The following SGCE variants were observed in gnomAD, a reference collection of about 807,000 sequenced individuals.
SGCE encodes the protein epsilon-sarcoglycan.
In SGCE, 26 loss-of-function variants were observed where a neutral mutation model predicts 57.8. The observed-to-expected ratio is 0.45, with a 90% CI of 0.33 to 0.62. The LOEUF (loss-of-function observed/expected upper bound fraction) is 0.62. Among genes scored for constraint, SGCE ranks in the 20% least tolerant of loss-of-function variants. The pLI, the probability that SGCE is intolerant of heterozygous loss-of-function variation, is 0.02. For missense variants in SGCE, 468 were observed against 548.6 expected (o/e 0.85, Z 1.47); for synonymous variants, 183 against 189.5 (o/e 0.97, Z 0.28).
chr7:94,655,023 C>A (rs1298309252), intron 1 of SGCE, among the ~76,000 whole-genome samples: 1 of 152,210 alleles, frequency 6.6e-6, no homozygotes, highest in African/African-American at 2.4e-5. Flanking sequence ...TCAGCCACTG[C>A]AATTTTCCCT....
chr7:94,616,002 A>G (rs1801877818), intron 5 of SGCE, among the ~76,000 whole-genome samples: 1 of 152,224 alleles, frequency 6.6e-6, no homozygotes, highest in African/African-American at 2.4e-5. Context: ...CAGAGGGCTC[A>G]GCCTTCCTTT....
At chr7:94,601,021 G>A (rs1799131623) in intron 6 of SGCE, among the ~76,000 whole-genome samples, 164 bp from the exon 7 acceptor site, 1 of 152,110 alleles carries the variant, frequency 6.6e-6, no homozygotes, top group Admixed American at 6.6e-5. Flanking sequence ...TGGAGGTAGG[G>A]AATGTAACAA....
chr7:94,586,805 A>G, intron 10 of SGCE: 1 of 984,682 alleles, frequency 1.0e-6, no homozygotes, highest in Non-Finnish European at 1.2e-6. Context: ...CCCAGCCTCC[A>G]TTTAGTTTTA....
chr7:94,612,380 T>C lies in SGCE; in HGVS notation c.662+6378A>G, dbSNP rs553939983. Among the ~76,000 whole-genome samples the C allele has an allele frequency of 3.9e-5, 6 of 152,328 alleles. No homozygotes were observed. In the East Asian group the frequency reaches 9.6e-4, roughly 24 times the overall value. ...TTCCAATGTACCTTGCAGAATATTTTTCAAATGCATATATTTTAATCTAAT... is the reference window on the plus strand; with the variant it reads ...TTCCAATGTACCTTGCAGAATATTTCTCAAATGCATATATTTTAATCTAAT... On this transcript the variant is annotated intron_variant, in intron 5 of 10. Coordinates refer to ENST00000648936, the MANE Select transcript of SGCE (RefSeq NM_003919.3).
chr7:94,600,794 C>T lies in SGCE; in HGVS notation c.889G>A (p.Asp297Asn), dbSNP rs1468449531. The change falls in exon 7 of 11, where the codon GAT (aspartate) becomes AAT (asparagine). Residue 297 changes from aspartate (D) to asparagine (N), a missense_variant. By Grantham distance (23) the Asp-to-Asn change is conservative. Transcript: ENST00000648936. ...EVIRGEGILP[D>N]GGEYKPPSDS... is the part of the protein sequence containing the mutation. ...GAAGGGGGTTTGTATTCTCCACCAT[C>T]AGGTAAAATCCCCTCTCCACGAATC... The T allele has an allele frequency of 6.2e-7, 1 of 1,613,388 alleles. No individual in the cohort carries two copies. Among genetic ancestry groups the T allele is most frequent in the East Asian group, 2.2e-5 (1 of 44,816 alleles).
chr7:94,636,634 C>T (rs1025259423), intron 1 of SGCE, among the ~76,000 whole-genome samples: 1 of 152,150 alleles, frequency 6.6e-6, no homozygotes, highest in African/African-American at 2.4e-5. Context: ...ATTCCATAGT[C>T]CATATCTGGA....
intron 10 of SGCE, 144 bp downstream of exon 10, chr7:94,588,545 A>G: frequency 2.7e-6 from 4 of 1,493,644 alleles, no homozygotes; most frequent in Non-Finnish European, 3.6e-6. Flanking sequence ...TATTATTCTG[A>G]GGTTTTAAGT....
intron 10 of SGCE, chr7:94,587,372 A>G: frequency 9.4e-7 from 1 of 1,060,926 alleles, no homozygotes; most frequent in South Asian, 4.5e-5. Context: ...CTGTTTTTCT[A>G]GAAATTGCCT....
At chr7:94,637,601 T>G (rs1474845740) in intron 1 of SGCE, among the ~76,000 whole-genome samples, 1 of 152,140 alleles carries the variant, frequency 6.6e-6, no homozygotes, top group African/African-American at 2.4e-5. Flanking sequence ...TAGATGACAC[T>G]ATATGTCAAG....
intron 9 of SGCE, among the ~76,000 whole-genome samples, chr7:94,595,556 T>C (rs10260642): frequency 0.059 from 8,953 of 152,244 alleles, 347 homozygotes; most frequent in Middle Eastern, 0.12. Flanking sequence ...TATCCAAGCA[T>C]ATACCTGGTT....
intron 3 of SGCE, 163 bp from the exon 4 acceptor site, chr7:94,623,560 T>C (rs1165349399): frequency 1.7e-6 from 1 of 604,462 alleles, no homozygotes. Context: ...TCAGAGCTTT[T>C]AGCAATATTA....
Position 94,603,274 on chromosome 7 carries a change from CAAAAT to C in SGCE, c.825+11_825+15del. 2 of 1,604,782 alleles carry C rather than the reference CAAAAT, an allele frequency of 1.2e-6. No individual in the cohort carries two copies. Among genetic ancestry groups the C allele is most frequent in the Non-Finnish European group, 1.7e-6 (2 of 1,173,082 alleles). On this transcript the variant is annotated intron_variant, in intron 6 of 10. Transcript: ENST00000648936. Reference sequence around the variant, plus strand: ...TTATTTTTAACTAAACTTGCAAAAACAAAATAAAAACTTACCAATGAAATTTTGCA... The same window carrying C: ...TTATTTTTAACTAAACTTGCAAAAACAAAAACTTACCAATGAAATTTTGCA...
intron 5 of SGCE, among the ~76,000 whole-genome samples, chr7:94,604,674 G>T (rs773857768): frequency 2.0e-5 from 3 of 151,114 alleles, no homozygotes; most frequent in African/African-American, 7.3e-5. Context: ...GGAAAAACTG[G>T]ATATCCACAT....
chr7:94,609,590 A>G (rs1412284736), intron 5 of SGCE, among the ~76,000 whole-genome samples: 5 of 152,200 alleles, frequency 3.3e-5, no homozygotes, highest in Non-Finnish European at 5.9e-5. Flanking sequence ...TAGAAGTTAT[A>G]CTCGTGGTAA....
At chr7:94,629,565 A>G (rs1804340773) in intron 2 of SGCE, 154 bp downstream of exon 2, 6 of 715,222 alleles carry the variant, frequency 8.4e-6, no homozygotes, top group Admixed American at 2.4e-5. Context: ...TTAAATTTCT[A>G]ATCTGTAAAT....
At chr7:94,650,474 A>G (rs1402854469) in intron 1 of SGCE, among the ~76,000 whole-genome samples, 1 of 151,680 alleles carries the variant, frequency 6.6e-6, no homozygotes, top group Non-Finnish European at 1.5e-5. Context: ...TCTTCTTCTC[A>G]GGTTTTCATG....
intron 5 of SGCE, chr7:94,616,782 T>A (rs1746775574): frequency 6.6e-6 from 1 of 152,162 alleles, no homozygotes; most frequent in Non-Finnish European, 1.5e-5. Context: ...CAAGTAAGAT[T>A]TTATTTTATG....
intron 9 of SGCE, chr7:94,597,420 T>A (rs1798554811): frequency 6.6e-6 from 1 of 152,296 alleles, no homozygotes; most frequent in African/African-American, 2.4e-5. Flanking sequence ...TATTTAATCT[T>A]CAAATTACCA....
chr7:94,612,508 A>G (rs1011697160), intron 5 of SGCE, among the ~76,000 whole-genome samples: 2 of 152,198 alleles, frequency 1.3e-5, no homozygotes, highest in African/African-American at 4.8e-5. Context: ...TTATGGCAGT[A>G]TAATTTCTTT....
Sources: allele counts gnomAD v4.1 joint callset (sites outside exome capture counted in the v4.1 genomes callset), GRCh38; gene constraint gnomAD v4.1.1; transcripts MANE v1.5; gene names NCBI Gene and HGNC (gene_info 2026-07-23, HGNC 2026-07-21).